The following ARID4B variants were observed in gnomAD, a reference collection of about 807,000 sequenced individuals.
ARID4B encodes AT-rich interactive domain-containing protein 4B.
In ARID4B, 26 loss-of-function variants were observed where a neutral mutation model predicts 147.5. The observed-to-expected ratio is 0.18, with a 90% CI of 0.13 to 0.24. The LOEUF (loss-of-function observed/expected upper bound fraction) is 0.24, where lower values mean the gene tolerates loss of function less well. Ranked by LOEUF, ARID4B falls within the 10% of genes least tolerant of loss-of-function variation. The probability of loss-of-function intolerance (pLI) is 1.00; values close to 1 mark genes in which losing one functional copy is unlikely to be tolerated. For missense variants in ARID4B, 1,179 were observed against 1,511.5 expected, an observed-to-expected ratio of 0.78 and a Z score of 3.65; for synonymous variants, 512 against 507.9, an observed-to-expected ratio of 1.01 and a Z score of -0.11.
chr1:235,248,728 A>T (rs1669457244), intron 6 of ARID4B, among the ~76,000 whole-genome samples: 1 of 152,220 alleles, frequency 6.6e-6, no homozygotes, highest in Admixed American at 6.5e-5. Context: ...GTCTCTCCCT[A>T]GTACATAACA....
chr1:235,306,581 T>C (rs949434250), intron 2 of ARID4B, among the ~76,000 whole-genome samples: 6 of 152,252 alleles, frequency 3.9e-5, no homozygotes, highest in Middle Eastern at 3.4e-3. Flanking sequence ...AGATTTATAA[T>C]ATATCATGTC....
At chr1:235,236,799 C>T (rs1411840670) in intron 8 of ARID4B, among the ~76,000 whole-genome samples, 11 of 125,002 alleles carry the variant, frequency 8.8e-5, no homozygotes, top group Admixed American at 5.9e-4. Context: ...AGGTGTGAGC[C>T]GCCGCGCCTG....
chr1:235,202,787 T>A (rs1357734662), intron 17 of ARID4B, among the ~76,000 whole-genome samples: 1 of 151,928 alleles, frequency 6.6e-6, no homozygotes, highest in Non-Finnish European at 1.5e-5. Context: ...TGACCTTAGG[T>A]GATTTGCCTG....
intron 18 of ARID4B, among the ~76,000 whole-genome samples, chr1:235,194,426 A>G (rs963206820): frequency 3.9e-5 from 6 of 152,224 alleles, no homozygotes; most frequent in East Asian, 1.9e-4. Context: ...TTATACTTTA[A>G]TAACGGGAAT....
At chr1:235,204,827 G>A (rs916748071) in intron 17 of ARID4B, among the ~76,000 whole-genome samples, 1 of 152,144 alleles carries the variant, frequency 6.6e-6, no homozygotes, top group Non-Finnish European at 1.5e-5. Flanking sequence ...ACTACTGAAT[G>A]AAACAGGTCC....
At chr1:235,240,203 C>A (rs1219660564) in intron 8 of ARID4B, 110 bp downstream of exon 8, 4 of 1,018,720 alleles carry the variant, frequency 3.9e-6, no homozygotes, top group Non-Finnish European at 4.2e-6. Context: ...CTAAATAATG[C>A]TAAAAACATT....
intron 17 of ARID4B, among the ~76,000 whole-genome samples, chr1:235,197,515 T>C (rs767176625): frequency 7.9e-5 from 12 of 152,324 alleles, no homozygotes; most frequent in Non-Finnish European, 1.3e-4. Flanking sequence ...TTCATCCCCA[T>C]GCAAGGGGTT....
intron 17 of ARID4B, among the ~76,000 whole-genome samples, chr1:235,201,341 T>C (rs529267965): frequency 1.2e-3 from 183 of 152,186 alleles, no homozygotes; most frequent in Non-Finnish European, 1.5e-3. Context: ...TTTTTTTTTT[T>C]TTCTTCTTCA....
chr1:235,265,417 A>T (rs1670540371), intron 2 of ARID4B, among the ~76,000 whole-genome samples: 1 of 151,942 alleles, frequency 6.6e-6, no homozygotes, highest in South Asian at 2.1e-4. Context: ...TAGGTTCCCA[A>T]GCCAAGCACA....
chr1:235,173,771 AATATATATATATATAT>A lies in ARID4B; in HGVS notation c.3665-1023_3665-1008del, dbSNP rs1169414831. Among the ~76,000 whole-genome samples, 321 of 32,304 alleles carry A rather than the reference AATATATATATATATAT, an allele frequency of 9.9e-3. 5 individuals carry two copies. The highest frequency in any genetic ancestry group is 0.036 in the South Asian group (20 of 552). The allele number at this position is 32,304 out of a possible 152,430, so 21.2% of individuals were successfully genotyped here. On this transcript the variant is annotated intron_variant, in intron 22 of 23. Coordinates refer to ENST00000264183, the MANE Select transcript of ARID4B (RefSeq NM_016374.6). ...AAAAAAAAAAAAAAAAAAAAAAAAA[AATATATATATATATAT>A]ATATATATATATATATATATATATA...
chr1:235,240,230 A>G, intron 8 of ARID4B, 83 bp downstream of exon 8: 1 of 1,254,900 alleles, frequency 8.0e-7, no homozygotes, highest in South Asian at 1.5e-5. Context: ...TTTTGTACCT[A>G]TGAAAAACAT....
At chr1:235,173,772 ATATATATATATAT>A (rs1259249828) in intron 22 of ARID4B, among the ~76,000 whole-genome samples, 6 of 14,674 alleles carry the variant, frequency 4.1e-4, no homozygotes, top group African/African-American at 1.7e-3. Flanking sequence ...AAAAAAAAAA[ATATATATATATAT>A]ATATATATAT....
chr1:235,279,783 T>C (rs1671548704), intron 2 of ARID4B, among the ~76,000 whole-genome samples: 1 of 152,174 alleles, frequency 6.6e-6, no homozygotes, highest in Non-Finnish European at 1.5e-5. Flanking sequence ...GAATTTGATA[T>C]ATGCCAGACA....
At position 235,176,946 on chromosome 1, in the gene ARID4B, C is replaced by T. The variant is rs150689034; in HGVS notation, c.3448+854G>A. ...ACATATTTTCTGCTTCTTACTTTGT[C>T]TACAAAAGAGAGATAAAATGTGCAG... On this transcript the variant is annotated intron_variant, in intron 21 of 23. Coordinates refer to ENST00000264183, the MANE Select transcript of ARID4B (RefSeq NM_016374.6). 2,085 of 471,032 alleles carry T rather than the reference C, an allele frequency of 4.4e-3. 28 individuals carry two copies. The highest frequency in any genetic ancestry group is 0.033 in the African/African-American group (1,631 of 50,162). The allele number at this position is 471,032 out of a possible 1,614,324, so 29.2% of individuals were successfully genotyped here. A position where few individuals can be genotyped will look rare whatever the true frequency, so the allele number is the denominator to read the frequency against.
chr1:235,244,613 A>AGG (rs958469349), intron 7 of ARID4B, among the ~76,000 whole-genome samples: 1 of 152,206 alleles, frequency 6.6e-6, no homozygotes, highest in African/African-American at 2.4e-5. Flanking sequence ...TGGAATAACT[A>AGG]GGGGTAGATT....
At chr1:235,287,523 T>C (rs960409452) in intron 2 of ARID4B, among the ~76,000 whole-genome samples, 2 of 152,214 alleles carry the variant, frequency 1.3e-5, no homozygotes, top group African/African-American at 4.8e-5. Context: ...AAGAATCTAC[T>C]TATTTTTATT....
At chr1:235,221,454 A>C in intron 14 of ARID4B, 111 bp downstream of exon 14, 1 of 606,380 alleles carries the variant, frequency 1.6e-6, no homozygotes, top group Non-Finnish European at 2.9e-6. Flanking sequence ...CTACTCTAGT[A>C]AAATGTTCTG....
intron 2 of ARID4B, among the ~76,000 whole-genome samples, chr1:235,302,449 T>A (rs1379191018): frequency 6.6e-6 from 1 of 152,096 alleles, no homozygotes; most frequent in African/African-American, 2.4e-5. Context: ...GATATAGTAT[T>A]AAAAAATGTA....
At chr1:235,326,828 G>A (rs1675306801) in intron 2 of ARID4B, 86 bp downstream of exon 2, 2 of 1,536,128 alleles carry the variant, frequency 1.3e-6, no homozygotes, top group South Asian at 1.1e-5. Context: ...TGCAAAACTC[G>A]GAAGCCCCAC....
Sources: allele counts gnomAD v4.1 joint callset (sites outside exome capture counted in the v4.1 genomes callset), GRCh38; gene constraint gnomAD v4.1.1; transcripts MANE v1.5; gene names NCBI Gene and HGNC (gene_info 2026-07-23, HGNC 2026-07-21).